FSTL4: variants seen among roughly 807,000 people sequenced by gnomAD.
FSTL4 encodes the protein follistatin-related protein 4.
In FSTL4, 28 loss-of-function variants were observed where a neutral mutation model predicts 78.2. That is an observed-to-expected ratio of 0.36 (90% confidence interval 0.27 to 0.49). The LOEUF is 0.49. Among genes scored for constraint, FSTL4 ranks in the 20% least tolerant of loss-of-function variants. The probability of loss-of-function intolerance (pLI) is 0.98; values close to 1 mark genes in which losing one functional copy is unlikely to be tolerated. For missense variants in FSTL4, 922 were observed against 1,084.9 expected (o/e 0.85, Z 2.11); for synonymous variants, 422 against 440.5 (o/e 0.96, Z 0.53).
At chr5:133,224,107 G>C (rs1039469880) in intron 11 of FSTL4, 83 bp downstream of exon 11, 3 of 1,082,186 alleles carry the variant, frequency 2.8e-6, no homozygotes, top group Non-Finnish European at 4.2e-6. Context: ...GGGAAAGCTG[G>C]TGGCAGATCA....
At chr5:133,622,639 G>T in the FSTL4 span, among the ~76,000 whole-genome samples, 1 of 152,128 alleles carries the variant, frequency 6.6e-6, no homozygotes, top group Non-Finnish European at 1.5e-5. Context: ...TGACAGGTGT[G>T]TGATTTTAAC....
chr5:133,446,464 C>T (rs1490514718), intron 3 of FSTL4, among the ~76,000 whole-genome samples: 1 of 152,140 alleles, frequency 6.6e-6, no homozygotes, highest in Non-Finnish European at 1.5e-5. Flanking sequence ...CGCTCTCGTC[C>T]ACTAGTGGGT....
At chr5:133,358,475 C>T (rs144222572) in intron 4 of FSTL4, among the ~76,000 whole-genome samples, 6,653 of 151,694 alleles carry the variant, frequency 0.044, 229 homozygotes, top group Non-Finnish European at 0.067. Context: ...GCAGGGAGGG[C>T]GAGGGGGCCT....
At chr5:133,395,191 C>G (rs533093319) in intron 4 of FSTL4, among the ~76,000 whole-genome samples, 5 of 151,952 alleles carry the variant, frequency 3.3e-5, no homozygotes, top group Admixed American at 6.5e-5. Flanking sequence ...CCTTCCACCC[C>G]GTGGAAGCTT....
the FSTL4 span, among the ~76,000 whole-genome samples, chr5:133,743,344 A>G: frequency 0.55 from 83,414 of 151,548 alleles, 23,648 homozygotes; most frequent in East Asian, 0.74. Flanking sequence ...ACTGTTTGTC[A>G]TTGGAAAATC....
intron 3 of FSTL4, among the ~76,000 whole-genome samples, chr5:133,559,929 A>G (rs1364621123): frequency 6.6e-6 from 1 of 152,204 alleles, no homozygotes; most frequent in Non-Finnish European, 1.5e-5. Flanking sequence ...ACAGTCAAAC[A>G]ACCTGGAAGG....
chr5:133,544,883 G>A (rs1222568880), intron 3 of FSTL4, among the ~76,000 whole-genome samples: 3 of 152,238 alleles, frequency 2.0e-5, no homozygotes, highest in Non-Finnish European at 4.4e-5. Context: ...ATAGCACTGA[G>A]TAGGTGAAAT....
At chr5:133,685,152 C>T in the FSTL4 span, among the ~76,000 whole-genome samples, 1 of 152,200 alleles carries the variant, frequency 6.6e-6, no homozygotes, top group East Asian at 1.9e-4. Flanking sequence ...GCAGCATCTC[C>T]TCTGGTGCAA....
the FSTL4 span, among the ~76,000 whole-genome samples, chr5:133,695,625 A>G: frequency 2.0e-5 from 3 of 152,162 alleles, no homozygotes; most frequent in African/African-American, 7.2e-5. Context: ...ACTGAACCCA[A>G]CATTCAAGTC....
the FSTL4 span, among the ~76,000 whole-genome samples, chr5:133,841,441 T>A: frequency 6.6e-6 from 1 of 152,204 alleles, no homozygotes; most frequent in Non-Finnish European, 1.5e-5. Flanking sequence ...GGCCTCCATA[T>A]CCACCAGGAG....
In FSTL4 at chr5:133,196,733, T is replaced by TGGG. The variant is rs1750158306; in HGVS notation, c.*2361_*2362insCCC. The TGGG allele has an allele frequency of 6.6e-6, 1 of 152,254 alleles. No individual in the cohort carries two copies. Among genetic ancestry groups the TGGG allele is most frequent in the South Asian group, 2.1e-4 (1 of 4,830 alleles). The allele number at this position is 152,254 out of a possible 1,614,324, so 9.4% of individuals were successfully genotyped here. A position where few individuals can be genotyped will look rare whatever the true frequency, so the allele number is the denominator to read the frequency against. On this transcript the variant is annotated 3_prime_UTR_variant, in exon 16 of 16. Coordinates refer to ENST00000265342, the MANE Select transcript of FSTL4 (RefSeq NM_015082.2). ...CAGGCCAGTCTGGCCTTCCTCCTCT[T>TGGG]CCTCCTTCTCCTCCCACCCCTGACT...
At chr5:133,300,623 A>C (rs1031110503) in intron 6 of FSTL4, among the ~76,000 whole-genome samples, 1 of 152,198 alleles carries the variant, frequency 6.6e-6, no homozygotes, top group African/African-American at 2.4e-5. Context: ...AACACCCATG[A>C]AAGGCAGGGA....
the FSTL4 span, among the ~76,000 whole-genome samples, chr5:133,761,365 A>T: frequency 1.7e-4 from 26 of 152,348 alleles, no homozygotes; most frequent in Admixed American, 3.3e-4. Flanking sequence ...AATTCTTGTT[A>T]TAATAAATTT....
intron 4 of FSTL4, 53 bp from the exon 5 acceptor site, chr5:133,316,705 G>A: frequency 1.4e-6 from 2 of 1,450,598 alleles, no homozygotes; most frequent in Non-Finnish European, 9.5e-7. Flanking sequence ...GGTCTTGAGA[G>A]AACATTCTTG....
the FSTL4 span, among the ~76,000 whole-genome samples, chr5:133,809,027 TAA>T: frequency 6.6e-6 from 1 of 152,050 alleles, no homozygotes; most frequent in Middle Eastern, 3.4e-3. Context: ...AACTTGAGTA[TAA>T]GAGCCAGAGA....
intron 2 of FSTL4, among the ~76,000 whole-genome samples, chr5:133,591,044 T>C (rs942594377): frequency 1.3e-5 from 2 of 152,124 alleles, no homozygotes; most frequent in Admixed American, 6.5e-5. Context: ...CACATGCTTT[T>C]TGGGGAACAC....
intron 4 of FSTL4, among the ~76,000 whole-genome samples, chr5:133,330,512 G>T (rs943331872): frequency 2.6e-5 from 4 of 152,164 alleles, no homozygotes; most frequent in African/African-American, 9.7e-5. Flanking sequence ...GCCGTGAGGG[G>T]ATGGTGCCAA....
rs1368020376 is a variant in FSTL4 at position 133,269,744 on chromosome 5, G to C, written c.728-20168C>G. ...TTTGCCTTTGAGCTCACTTTGGTTGGGGTCTGGAAAGTTCTACCAGTCCCA... is the reference window on the plus strand; with the variant it reads ...TTTGCCTTTGAGCTCACTTTGGTTGCGGTCTGGAAAGTTCTACCAGTCCCA... On this transcript the variant is annotated intron_variant, in intron 6 of 15. Transcript: ENST00000265342. 2.6e-5 allele frequency among the ~76,000 whole-genome samples: 4 copies of C among 152,154 alleles called. No individual in the cohort carries two copies. The East Asian group carries it at 7.7e-4, about 29-fold the overall frequency.
chr5:133,631,475 G>A, the FSTL4 span, among the ~76,000 whole-genome samples: 3 of 152,052 alleles, frequency 2.0e-5, no homozygotes, highest in African/African-American at 4.8e-5. Flanking sequence ...TTAGAATGGC[G>A]ATCATTAAAA....
Sources: gnomAD v4.1 joint callset for allele counts (sites outside exome capture counted in the v4.1 genomes callset) on GRCh38, gnomAD v4.1.1 for gene constraint, MANE v1.5 for transcripts, NCBI Gene and HGNC (gene_info 2026-07-23, HGNC 2026-07-21) for gene names.